NKAIN3: variants seen among roughly 807,000 people sequenced by gnomAD.
NKAIN3 encodes sodium/potassium-transporting ATPase subunit beta-1-interacting protein 3.
Under a neutral mutation model 30.2 loss-of-function variants are expected in NKAIN3, and 25 were observed. The ratio of observed to expected loss-of-function variants is 0.83; its 90% CI spans 0.60 to 1.16. The LOEUF (loss-of-function observed/expected upper bound fraction) is 1.16, where lower values mean the gene tolerates loss of function less well. Among genes scored for constraint, NKAIN3 ranks in the 50% most tolerant of loss-of-function variants. The pLI is 0.00. For synonymous variants in NKAIN3, 91 were observed against 89.6 expected (o/e 1.02, Z -0.09); for missense variants, 225 against 254.1 (o/e 0.89, Z 0.78).
At chr8:62,914,962 C>G (rs563473452) in intron 4 of NKAIN3, among the ~76,000 whole-genome samples, 12 of 151,834 alleles carry the variant, frequency 7.9e-5, no homozygotes, top group African/African-American at 1.9e-4. Flanking sequence ...CTTGCCCCCC[C>G]ACAGGCCCTG....
At chr8:62,644,136 A>G (rs917026937) in intron 3 of NKAIN3, among the ~76,000 whole-genome samples, 1 of 152,064 alleles carries the variant, frequency 6.6e-6, no homozygotes, top group African/African-American at 2.4e-5. Flanking sequence ...ACTTCATGCC[A>G]TTGCTCCATG....
chr8:62,574,255 T>A (rs1563464491), intron 1 of NKAIN3, among the ~76,000 whole-genome samples: 1 of 152,152 alleles, frequency 6.6e-6, no homozygotes, highest in Non-Finnish European at 1.5e-5. Context: ...TACTCCATTG[T>A]GTATATGTGC....
intron 4 of NKAIN3, among the ~76,000 whole-genome samples, chr8:62,763,321 T>C (rs1816733513): frequency 1.3e-5 from 2 of 149,594 alleles, no homozygotes; most frequent in African/African-American, 4.9e-5. Flanking sequence ...CCTTCTCAGA[T>C]TGGAAAACCT....
chr8:62,870,582 G>T (rs55919106), intron 4 of NKAIN3, among the ~76,000 whole-genome samples: 1 of 131,406 alleles, frequency 7.6e-6, no homozygotes, highest in African/African-American at 3.0e-5. Context: ...ACCATATATA[G>T]TACATATATA....
chr8:62,923,317 G>A (rs1439413815), intron 5 of NKAIN3, among the ~76,000 whole-genome samples: 1 of 151,626 alleles, frequency 6.6e-6, no homozygotes, highest in East Asian at 1.9e-4. Flanking sequence ...AGAGGGAGAC[G>A]CTGTCTCAAA....
rs2130919838 is a variant in NKAIN3, at chr8:62,977,013, C to T, written c.*11606C>T. Among the ~76,000 whole-genome samples, 1 of 152,288 alleles carries T rather than the reference C, an allele frequency of 6.6e-6. No individual in the cohort carries two copies. Among genetic ancestry groups the T allele is most frequent in the Admixed American group, 6.5e-5 (1 of 15,298 alleles). ...TTTAAGAATGTTGAATATTAGCCCC[C>T]AATCTCTTGTGGCTTTTAGGGTTTC... On this transcript the variant is annotated 3_prime_UTR_variant, in exon 7 of 7. Transcript: ENST00000623646.
At chr8:62,806,405 A>G (rs1818282835) in intron 4 of NKAIN3, among the ~76,000 whole-genome samples, 1 of 152,234 alleles carries the variant, frequency 6.6e-6, no homozygotes, top group Non-Finnish European at 1.5e-5. Context: ...GAACCAACCC[A>G]AATGTGCAAC....
At chr8:62,363,975 G>T (rs7006148) in intron 1 of NKAIN3, among the ~76,000 whole-genome samples, 5,103 of 152,246 alleles carry the variant, frequency 0.034, 327 homozygotes, top group African/African-American at 0.12. Context: ...AAAACGATGT[G>T]GAAGGATGCA....
rs191370308 is a variant in NKAIN3 at position 62,849,274 on chromosome 8, G to A, written c.472-69179G>A. On this transcript the variant is annotated intron_variant, in intron 4 of 6. Coordinates refer to ENST00000623646, the MANE Select transcript of NKAIN3 (RefSeq NM_001304533.3). The stretch of plus-strand genomic sequence containing the variant: ...TCTGTACCTCTGCTAGAATTCAGAT[G>A]TGAATTCATCTGGTCCTGGGCTTTT... Among the ~76,000 whole-genome samples the A allele has an allele frequency of 4.7e-3, 680 of 145,854 alleles. 6 individuals are homozygous for A. Among genetic ancestry groups the A allele is most frequent in the African/African-American group, 0.017 (659 of 39,592 alleles).
chr8:62,958,016 A>T (rs934286624), intron 6 of NKAIN3, among the ~76,000 whole-genome samples: 2 of 152,164 alleles, frequency 1.3e-5, no homozygotes, highest in Non-Finnish European at 1.5e-5. Flanking sequence ...CTGTGAACCT[A>T]AAACTGCTCT....
chr8:62,985,021 C>A (rs1824174618), downstream of NKAIN3: 1 of 152,148 alleles, frequency 6.6e-6, no homozygotes, highest in South Asian at 2.1e-4. Flanking sequence ...GGATTACCCC[C>A]CTATTTCATG....
chr8:62,959,186 T>G (rs1470147922), intron 6 of NKAIN3, among the ~76,000 whole-genome samples: 3 of 152,142 alleles, frequency 2.0e-5, no homozygotes, highest in African/African-American at 7.2e-5. Context: ...CCAATCCCTA[T>G]TTCAGGGTAG....
At chr8:62,776,110 C>T (rs1817183795) in intron 4 of NKAIN3, among the ~76,000 whole-genome samples, 1 of 152,048 alleles carries the variant, frequency 6.6e-6, no homozygotes, top group South Asian at 2.1e-4. Context: ...TTTCCATTTG[C>T]ATGAAATACT....
Position 62,649,415 on chromosome 8 carries a change from AG to A in NKAIN3, c.273+59624del, listed in dbSNP as rs200386103. ...AAACAGGCCAATGGGACTTCATGCC[AG>A]GGATTGTGCTGGAACAATTGGTAAA... On this transcript the variant is annotated intron_variant, in intron 3 of 6. Transcript: ENST00000623646. 7.5e-3 allele frequency among the ~76,000 whole-genome samples: 1,148 copies of A among 152,304 alleles called. 23 individuals carry two copies. The highest frequency in any genetic ancestry group is 0.026 in the African/African-American group (1,101 of 41,582).
chr8:62,987,681 A>G (rs1824232133), downstream of NKAIN3, among the ~76,000 whole-genome samples: 2 of 151,330 alleles, frequency 1.3e-5, no homozygotes, highest in Admixed American at 1.3e-4. Flanking sequence ...CCTATAACAC[A>G]TGGGAATTAT....
intron 6 of NKAIN3, among the ~76,000 whole-genome samples, chr8:62,957,717 C>T (rs1260353341): frequency 6.6e-6 from 1 of 152,010 alleles, no homozygotes. Context: ...GGAGGGGAGA[C>T]ACGAATAGGC....
At chr8:62,675,635 C>T (rs1054765774) in intron 3 of NKAIN3, among the ~76,000 whole-genome samples, 1 of 152,144 alleles carries the variant, frequency 6.6e-6, no homozygotes, top group African/African-American at 2.4e-5. Flanking sequence ...GGAAGAACAC[C>T]TGAACCAGCA....
chr8:62,855,505 A>G, intron 4 of NKAIN3: 5 of 1,404,730 alleles, frequency 3.6e-6, no homozygotes, highest in Admixed American at 1.7e-5. Flanking sequence ...ATTTCCCTTC[A>G]GGATTGTAAT....
intron 1 of NKAIN3, among the ~76,000 whole-genome samples, chr8:62,511,360 G>T (rs1056891321): frequency 2.6e-5 from 4 of 152,048 alleles, no homozygotes; most frequent in Admixed American, 2.6e-4. Flanking sequence ...CAACTCTCTA[G>T]GTCACTCCAA....
Sources: gnomAD v4.1 joint callset for allele counts (sites outside exome capture counted in the v4.1 genomes callset) on GRCh38, gnomAD v4.1.1 for gene constraint, MANE v1.5 for transcripts, NCBI Gene and HGNC (gene_info 2026-07-23, HGNC 2026-07-21) for gene names.